The following TOMM20 variants were observed in gnomAD, a reference collection of about 807,000 sequenced individuals.
The protein encoded by TOMM20 is translocase of outer mitochondrial membrane 20.
TOMM20 carries 10 observed loss-of-function variants against 22.1 expected under a neutral mutation model. The ratio of observed to expected loss-of-function variants is 0.45; its 90% CI spans 0.28 to 0.77. The LOEUF is 0.77. Among genes scored for constraint, TOMM20 ranks in the 30% least tolerant of loss-of-function variants. The pLI is 0.13. For missense variants in TOMM20, 121 were observed against 172.2 expected (o/e 0.70, Z 1.66); for synonymous variants, 55 against 61.4 (o/e 0.90, Z 0.49).
At chr1:235,115,565 T>A (rs568874248) in intron 3 of TOMM20, among the ~76,000 whole-genome samples, 1 of 152,106 alleles carries the variant, frequency 6.6e-6, no homozygotes, top group Non-Finnish European at 1.5e-5. Flanking sequence ...AGGCGAAGCT[T>A]GCAGTGAGCC....
chr1:235,118,126 G>A (rs1252202740), intron 3 of TOMM20, among the ~76,000 whole-genome samples: 2 of 95,152 alleles, frequency 2.1e-5, no homozygotes, highest in Admixed American at 2.0e-4. Flanking sequence ...TGTATCTGCA[G>A]ATTTAGCAAC....
At chr1:235,116,795 A>G (rs1047621252) in intron 3 of TOMM20, among the ~76,000 whole-genome samples, 3 of 152,142 alleles carry the variant, frequency 2.0e-5, no homozygotes, top group Admixed American at 6.6e-5. Flanking sequence ...CTTTTTATTT[A>G]CCAAACAATT....
At chr1:235,116,807 C>T (rs67476183) in intron 3 of TOMM20, among the ~76,000 whole-genome samples, 26,976 of 151,946 alleles carry the variant, frequency 0.18, 2,718 homozygotes, top group African/African-American at 0.25. Context: ...CAAACAATTT[C>T]CCACGATATA....
At chr1:235,113,118 C>T (rs538799031) in intron 4 of TOMM20, among the ~76,000 whole-genome samples, 11 of 152,312 alleles carry the variant, frequency 7.2e-5, no homozygotes, top group African/African-American at 1.4e-4. Context: ...GTAACAGACA[C>T]GCTATTCCAA....
At chr1:235,119,797 T>C (rs1660900153) in intron 3 of TOMM20, 21 bp downstream of exon 3, 2 of 1,543,962 alleles carry the variant, frequency 1.3e-6, no homozygotes, top group South Asian at 1.2e-5. Context: ...CCCATTTCCT[T>C]AGCTTTTCAA....
chr1:235,121,313 T>C (rs1660928172), intron 2 of TOMM20, among the ~76,000 whole-genome samples: 1 of 152,200 alleles, frequency 6.6e-6, no homozygotes, highest in African/African-American at 2.4e-5. Context: ...TTTAAATTTC[T>C]GAAAGTGGAG....
At chr1:235,114,852 C>A (rs1241497263) in intron 3 of TOMM20, among the ~76,000 whole-genome samples, 1 of 151,946 alleles carries the variant, frequency 6.6e-6, no homozygotes, top group Non-Finnish European at 1.5e-5. Flanking sequence ...GCTATGTGCT[C>A]CTTGTCCTTA....
chr1:235,115,726 C>T (rs1459433860), intron 3 of TOMM20, among the ~76,000 whole-genome samples: 1 of 152,216 alleles, frequency 6.6e-6, no homozygotes, highest in African/African-American at 2.4e-5. Context: ...ATATTTACTG[C>T]CTTTGCTCCA....
In TOMM20 at chr1:235,111,213, C is replaced by G. The variant is rs921823131; in HGVS notation, c.*851G>C. On this transcript the variant is annotated 3_prime_UTR_variant, in exon 5 of 5. Coordinates refer to ENST00000366607, the MANE Select transcript of TOMM20 (RefSeq NM_014765.3). The stretch of plus-strand genomic sequence containing the variant: ...GCAAAATTCAGAATATAAAAAAATG[C>G]AGGGCCTGGTTGCCCACATACATTC... 2.6e-5 allele frequency: 4 copies of G among 152,084 alleles called. No homozygotes were observed. Among genetic ancestry groups the G allele is most frequent in the African/African-American group, 9.7e-5 (4 of 41,398 alleles). 9.4% of individuals were successfully genotyped at this position (152,084 alleles called of 1,614,324 possible). A position where few individuals can be genotyped will look rare whatever the true frequency, so the allele number is the denominator to read the frequency against.
At chr1:235,113,455 G>A (rs1660775774) in intron 4 of TOMM20, among the ~76,000 whole-genome samples, 1 of 152,150 alleles carries the variant, frequency 6.6e-6, no homozygotes, top group African/African-American at 2.4e-5. Context: ...TCTCCTGGAA[G>A]AGTAGGCAGA....
At chr1:235,126,411 G>C (rs1382399790) in intron 1 of TOMM20, among the ~76,000 whole-genome samples, 1 of 151,728 alleles carries the variant, frequency 6.6e-6, no homozygotes, top group African/African-American at 2.4e-5. Flanking sequence ...GATTACTAGC[G>C]TTGAGCCACC....
intron 1 of TOMM20, chr1:235,127,920 G>A (rs779980601): frequency 1.3e-5 from 7 of 518,886 alleles, no homozygotes; most frequent in South Asian, 8.4e-5. Context: ...AAGCTACCAA[G>A]AGGGTTTAAG....
chr1:235,117,114 GAC>G (rs1225647630), intron 3 of TOMM20, among the ~76,000 whole-genome samples: 1 of 116,912 alleles, frequency 8.6e-6, no homozygotes, highest in Non-Finnish European at 1.7e-5. Flanking sequence ...CAGCCTGGGC[GAC>G]AGAGCGAGAC....
intron 3 of TOMM20, among the ~76,000 whole-genome samples, chr1:235,117,044 A>G (rs1246772733): frequency 1.4e-5 from 2 of 142,274 alleles, no homozygotes; most frequent in Non-Finnish European, 3.0e-5. Flanking sequence ...CTGAGGCAGG[A>G]GGATGACATG....
intron 1 of TOMM20, among the ~76,000 whole-genome samples, chr1:235,125,300 C>T (rs1343726036): frequency 1.3e-5 from 2 of 152,056 alleles, no homozygotes; most frequent in East Asian, 1.9e-4. Flanking sequence ...CTGTAAGCTC[C>T]GCCTCCCGAG....
Position 235,128,489 on chromosome 1 carries a change from C to A in TOMM20, c.121+106G>T, listed in dbSNP as rs1191281839. 2.6e-6 allele frequency: 4 copies of A among 1,557,240 alleles called. No individual in the cohort carries two copies. In the East Asian group the frequency reaches 6.8e-5, roughly 26 times the overall value. On this transcript the variant is annotated intron_variant, in intron 1 of 4. Transcript: ENST00000366607. ...ATCGCCTATTGAGGGCCGCACCACG[C>A]GGTCGCCCTGCGCGGCCCACAGGCT...
At position 235,111,949 on chromosome 1, in the gene TOMM20, G is replaced by C. The variant is rs1660744763; in HGVS notation, c.*115C>G. Reference sequence around the variant, plus strand: ...CACAAAGTAAACATTAACTTTGGTAGATTTCAGTGTAGTTCATAACAAGCA... The same window carrying C: ...CACAAAGTAAACATTAACTTTGGTACATTTCAGTGTAGTTCATAACAAGCA... On this transcript the variant is annotated 3_prime_UTR_variant, in exon 5 of 5. Transcript: ENST00000366607. 2.5e-6 allele frequency: 2 copies of C among 793,570 alleles called. No homozygotes were observed. The highest frequency in any genetic ancestry group is 4.3e-6 in the Non-Finnish European group (2 of 470,090). 49.2% of individuals were successfully genotyped at this position (793,570 alleles called of 1,614,324 possible).
chr1:235,122,669 T>A (rs998684279), intron 1 of TOMM20, among the ~76,000 whole-genome samples: 1 of 151,914 alleles, frequency 6.6e-6, no homozygotes, highest in Non-Finnish European at 1.5e-5. Flanking sequence ...GCAGATCAAG[T>A]CCCCCCTTCC....
intron 3 of TOMM20, among the ~76,000 whole-genome samples, chr1:235,115,618 C>T (rs1660815401): frequency 6.6e-6 from 1 of 152,110 alleles, no homozygotes; most frequent in Non-Finnish European, 1.5e-5. Flanking sequence ...CAGAGCGAGA[C>T]TCTGTCTCAA....
Sources: allele counts gnomAD v4.1 joint callset (sites outside exome capture counted in the v4.1 genomes callset), GRCh38; gene constraint gnomAD v4.1.1; transcripts MANE v1.5; gene names NCBI Gene and HGNC (gene_info 2026-07-23, HGNC 2026-07-21).